BATF3: variants seen among roughly 807,000 people sequenced by gnomAD.
BATF3 encodes the protein basic leucine zipper ATF-like transcription factor 3.
Under a neutral mutation model 16.1 loss-of-function variants are expected in BATF3, and 8 were observed. The observed-to-expected ratio is 0.50, with a 90% CI of 0.29 to 0.90. The LOEUF is 0.90. BATF3 is among the 40% of genes least tolerant of loss of function. The probability of loss-of-function intolerance (pLI) is 0.08; values close to 1 mark genes in which losing one functional copy is unlikely to be tolerated. For missense variants in BATF3, 139 were observed against 167.0 expected (o/e 0.83, Z 0.92); for synonymous variants, 74 against 72.7 (o/e 1.02, Z -0.09).
At chr1:212,688,269 AC>A (rs1656910612) in intron 2 of BATF3, among the ~76,000 whole-genome samples, 1 of 152,018 alleles carries the variant, frequency 6.6e-6, no homozygotes, top group African/African-American at 2.4e-5. Flanking sequence ...CATTCTGGGG[AC>A]CCTCACCAAC....
Position 212,686,655 on chromosome 1 carries a change from CAGCT to C in BATF3, c.*132_*135del. 2.9e-6 allele frequency: 4 copies of C among 1,397,602 alleles called. 1 individual carries two copies. The South Asian group carries it at 5.9e-5, about 21-fold the overall frequency. 86.6% of individuals were successfully genotyped at this position (1,397,602 alleles called of 1,614,324 possible). ...GGCTGAGCCCAGTCTGCAGGGAACA[CAGCT>C]GGCTGGTCCTGGAGCTCCCAGGAGG... On this transcript the variant is annotated 3_prime_UTR_variant, in exon 3 of 3. Transcript: ENST00000243440.
rs1464286808 is a variant in BATF3 at position 212,696,457 on chromosome 1, C to T, written c.195+504G>A. 3.4e-5 allele frequency among the ~76,000 whole-genome samples: 5 copies of T among 148,640 alleles called. No homozygotes were observed. In the East Asian group the frequency reaches 1.0e-3, roughly 31 times the overall value. On this transcript the variant is annotated intron_variant, in intron 2 of 2. Coordinates refer to ENST00000243440, the MANE Select transcript of BATF3 (RefSeq NM_018664.3). ...GTGTGTGTGTGTGTGTGTACACACA[C>T]ACATTGGGTACATGTGTGAATGTGT...
At chr1:212,692,070 C>G (rs1206412070) in intron 2 of BATF3, among the ~76,000 whole-genome samples, 1 of 152,220 alleles carries the variant, frequency 6.6e-6, no homozygotes, top group Non-Finnish European at 1.5e-5. Flanking sequence ...TGAAGGGGAA[C>G]CCCAGCCCCT....
chr1:212,690,019 ACACT>A (rs1303630952), intron 2 of BATF3, among the ~76,000 whole-genome samples: 2 of 151,792 alleles, frequency 1.3e-5, no homozygotes, highest in East Asian at 1.9e-4. Flanking sequence ...ACAGTCACAC[ACACT>A]CACAAAAACT....
chr1:212,699,039 G>C lies in BATF3; in HGVS notation c.90+634C>G, dbSNP rs1657196926. ...GTAAGGATGAAAAGACCCAGTCTTC[G>C]TCGTAAGGCAGGTGGCCAAGACCCA... On this transcript the variant is annotated intron_variant, in intron 1 of 2. Coordinates refer to ENST00000243440, the MANE Select transcript of BATF3 (RefSeq NM_018664.3). This position sits in a 1 kb window ranked among gnomAD's most constrained non-coding sequence, Gnocchi z 4.4. 6.6e-6 allele frequency among the ~76,000 whole-genome samples: 1 copy of C among 152,226 alleles called. No individual in the cohort carries two copies. Among genetic ancestry groups the C allele is most frequent in the African/African-American group, 2.4e-5 (1 of 41,460 alleles).
Position 212,699,312 on chromosome 1 carries a change from A to G in BATF3, c.90+361T>C, listed in dbSNP as rs1657208292. ...CTACAGGCGCGGGTGGTGGGGTGGC[A>G]GTCGCTGGCTGCGCCAGGATGGGGC... is the stretch of plus-strand genomic sequence containing the variant. On this transcript the variant is annotated intron_variant, in intron 1 of 2. Transcript: ENST00000243440. This position sits in a 1 kb window ranked among gnomAD's most constrained non-coding sequence, Gnocchi z 4.4. 6.6e-6 allele frequency among the ~76,000 whole-genome samples: 1 copy of G among 151,890 alleles called. No individual in the cohort carries two copies. Among genetic ancestry groups the G allele is most frequent in the Non-Finnish European group, 1.5e-5 (1 of 67,950 alleles).
chr1:212,690,251 G>A (rs917867673), intron 2 of BATF3, among the ~76,000 whole-genome samples: 7 of 152,142 alleles, frequency 4.6e-5, no homozygotes, highest in East Asian at 1.9e-4. Context: ...ACTGAATTCC[G>A]CAGCAAGACG....
Position 212,699,713 on chromosome 1 carries a change from G to T in BATF3, c.50C>A (p.Ala17Glu). ...AAGSVLQRSV[A>E]APGNQPQPQP... Reference sequence around the variant, plus strand: ...CGGCTGCGGCTGGTTCCCGGGCGCCGCGACGCTCCTCTGCAGGACGCTGCC... The same window carrying T: ...CGGCTGCGGCTGGTTCCCGGGCGCCTCGACGCTCCTCTGCAGGACGCTGCC... Residue 17 changes from alanine (A) to glutamate (E), a missense_variant, in exon 1 of 3, where the codon GCG (alanine) becomes GAG (glutamate). Transcript: ENST00000243440. This position sits in a 1 kb window ranked among gnomAD's most constrained non-coding sequence, Gnocchi z 4.4. 7.4e-7 allele frequency: 1 copy of T among 1,348,580 alleles called. No homozygotes were observed. The allele number at this position is 1,348,580 out of a possible 1,614,324, so 83.5% of individuals were successfully genotyped here.
intron 2 of BATF3, among the ~76,000 whole-genome samples, chr1:212,693,365 G>A (rs962988414): frequency 6.6e-6 from 1 of 152,200 alleles, no homozygotes; most frequent in African/African-American, 2.4e-5. Flanking sequence ...CTTGTGTGGA[G>A]CTAGTGAGGC....
intron 1 of BATF3, 106 bp from the exon 2 acceptor site, chr1:212,697,171 G>T (rs1657153281): frequency 3.6e-6 from 3 of 829,492 alleles, no homozygotes; most frequent in South Asian, 3.1e-5. Flanking sequence ...CATTTGCTTT[G>T]CAGTAGACAG....
intron 2 of BATF3, among the ~76,000 whole-genome samples, chr1:212,690,785 T>C (rs1656982791): frequency 6.6e-6 from 1 of 152,202 alleles, no homozygotes; most frequent in Non-Finnish European, 1.5e-5. Flanking sequence ...TGGGTATTTG[T>C]CGGGACAGTT....
Position 212,699,802 on chromosome 1 carries a change from G to A in BATF3, c.-40C>T. ...TGGCCCGGCCCGCCCCGCCCCGCCC[G>A]CGCGCCCTGCCCGTGGGGCTGCCTA... On this transcript the variant is annotated 5_prime_UTR_variant, in exon 1 of 3. Coordinates refer to ENST00000243440, the MANE Select transcript of BATF3 (RefSeq NM_018664.3). This position sits in a 1 kb window ranked among gnomAD's most constrained non-coding sequence, Gnocchi z 4.4. 1 of 847,358 alleles carries A rather than the reference G, an allele frequency of 1.2e-6. No individual in the cohort carries two copies. Among genetic ancestry groups the A allele is most frequent in the Non-Finnish European group, 1.3e-6 (1 of 747,972 alleles). 52.5% of individuals were successfully genotyped at this position (847,358 alleles called of 1,614,324 possible). A position where few individuals can be genotyped will look rare whatever the true frequency, so the allele number is the denominator to read the frequency against.
At position 212,689,987 on chromosome 1, in the gene BATF3, TACAC is replaced by T. The variant is rs1000236003; in HGVS notation, c.196-3012_196-3009del. ...TCTCACAGTCACACACATACAGTCATACACACATACATACACCTCACACAGTCAC... is the reference window on the plus strand; with the variant it reads ...TCTCACAGTCACACACATACAGTCATACATACATACACCTCACACAGTCAC... On this transcript the variant is annotated intron_variant, in intron 2 of 2. Coordinates refer to ENST00000243440, the MANE Select transcript of BATF3 (RefSeq NM_018664.3). This position sits in a 1 kb window ranked among gnomAD's most constrained non-coding sequence, Gnocchi z 4.6. 6.6e-6 allele frequency among the ~76,000 whole-genome samples: 1 copy of T among 150,918 alleles called. No individual in the cohort carries two copies. Among genetic ancestry groups the T allele is most frequent in the Non-Finnish European group, 1.5e-5 (1 of 67,736 alleles).
intron 2 of BATF3, among the ~76,000 whole-genome samples, chr1:212,688,702 T>G (rs916349622): frequency 6.6e-5 from 10 of 152,216 alleles, no homozygotes; most frequent in Non-Finnish European, 1.2e-4. Context: ...CTACAAAAAA[T>G]AGCCAATGGC....
chr1:212,697,595 GCAGCCA>G, intron 1 of BATF3: 1 of 152,844 alleles, frequency 6.5e-6, no homozygotes, highest in Non-Finnish European at 1.5e-5. Flanking sequence ...ACAACTAATT[GCAGCCA>G]CATAACTCTA....
rs1383806777 is a variant in BATF3 at position 212,690,355 on chromosome 1, A to C, written c.196-3376T>G. ...CACTGCCCTCCCCCAACCCATGCTTAGAGTCTTCAGAGCCGCCCGACAGGT... is the reference window on the plus strand; with the variant it reads ...CACTGCCCTCCCCCAACCCATGCTTCGAGTCTTCAGAGCCGCCCGACAGGT... On this transcript the variant is annotated intron_variant, in intron 2 of 2. Coordinates refer to ENST00000243440, the MANE Select transcript of BATF3 (RefSeq NM_018664.3). 5.9e-5 allele frequency among the ~76,000 whole-genome samples: 9 copies of C among 152,334 alleles called. No homozygotes were observed. In the East Asian group the frequency reaches 1.7e-3, roughly 29 times the overall value.
At chr1:212,697,968 T>C (rs1421261024) in intron 1 of BATF3, 1 of 152,208 alleles carries the variant, frequency 6.6e-6, no homozygotes, top group Non-Finnish European at 1.5e-5. Flanking sequence ...GTTATTAATA[T>C]TCACGGAATG....
At chr1:212,690,386 A>G (rs773702946) in intron 2 of BATF3, among the ~76,000 whole-genome samples, 1 of 152,142 alleles carries the variant, frequency 6.6e-6, no homozygotes, top group Non-Finnish European at 1.5e-5. Context: ...CAGGTGCCCC[A>G]CGGGCCCCTC....
chr1:212,689,776 C>T lies in BATF3; in HGVS notation c.196-2797G>A, dbSNP rs528781481. 5.3e-5 allele frequency among the ~76,000 whole-genome samples: 8 copies of T among 151,496 alleles called. No individual in the cohort carries two copies. The highest frequency in any genetic ancestry group is 4.2e-4 in the South Asian group (2 of 4,784). Reference sequence around the variant, plus strand: ...ACATATACACACACTCACACACGTCCGCAAACACACTCACACACTCTCATA... The same window carrying T: ...ACATATACACACACTCACACACGTCTGCAAACACACTCACACACTCTCATA... On this transcript the variant is annotated intron_variant, in intron 2 of 2. Coordinates refer to ENST00000243440, the MANE Select transcript of BATF3 (RefSeq NM_018664.3). The surrounding 1 kb of genome is among the most constrained non-coding windows in gnomAD (Gnocchi z 4.6).
Sources: allele counts gnomAD v4.1 joint callset (sites outside exome capture counted in the v4.1 genomes callset), GRCh38; gene constraint gnomAD v4.1.1; non-coding constraint Gnocchi (gnomAD v3.1); transcripts MANE v1.5; gene names NCBI Gene and HGNC (gene_info 2026-07-23, HGNC 2026-07-21).